The following MEI4 variants were observed in gnomAD, a reference collection of about 807,000 sequenced individuals.
MEI4 encodes the protein meiosis-specific protein MEI4.
MEI4 carries 27 observed loss-of-function variants against 31.4 expected under a neutral mutation model. The observed-to-expected ratio is 0.86, with a 90% confidence interval of 0.63 to 1.19. The LOEUF is 1.19. Among genes scored for constraint, MEI4 ranks in the 50% most tolerant of loss-of-function variants. MEI4 has a pLI of 0.00. For missense variants in MEI4, 329 were observed against 398.9 expected (o/e 0.82, Z 1.49); for synonymous variants, 122 against 145.4 (o/e 0.84, Z 1.16).
intron 3 of MEI4, among the ~76,000 whole-genome samples, chr6:77,823,991 A>G (rs892265848): frequency 3.9e-4 from 60 of 152,342 alleles, no homozygotes; most frequent in African/African-American, 1.4e-3. Context: ...AAGTGGTTGA[A>G]CACTTTTTAT....
intron 3 of MEI4, among the ~76,000 whole-genome samples, chr6:77,803,073 A>G (rs548933429): frequency 3.6e-4 from 55 of 152,290 alleles, no homozygotes; most frequent in African/African-American, 1.3e-3. Flanking sequence ...GTGTTTTCCA[A>G]CTTGGTTCCA....
At chr6:77,875,132 G>A (rs564603176) in intron 4 of MEI4, among the ~76,000 whole-genome samples, 4 of 152,148 alleles carry the variant, frequency 2.6e-5, no homozygotes, top group Non-Finnish European at 4.4e-5. Flanking sequence ...AAGGCCTTCA[G>A]CTTCCTTGAG....
intron 1 of MEI4, among the ~76,000 whole-genome samples, chr6:77,685,106 T>C (rs1442523821): frequency 6.6e-6 from 1 of 152,228 alleles, no homozygotes; most frequent in African/African-American, 2.4e-5. Flanking sequence ...TAATCAGTGA[T>C]GCTGTGAACA....
At chr6:77,900,180 T>C (rs537256073) in intron 4 of MEI4, among the ~76,000 whole-genome samples, 1 of 152,050 alleles carries the variant, frequency 6.6e-6, no homozygotes, top group Non-Finnish European at 1.5e-5. Flanking sequence ...AGGGAACTCT[T>C]ATACACTGTT....
chr6:77,890,829 G>A (rs1383020099), intron 4 of MEI4, among the ~76,000 whole-genome samples: 1 of 152,130 alleles, frequency 6.6e-6, no homozygotes, highest in Admixed American at 6.5e-5. Context: ...CACAAGATCT[G>A]ATGGCTTTAT....
At chr6:77,759,895 C>T (rs1768004741) in intron 2 of MEI4, among the ~76,000 whole-genome samples, 1 of 152,166 alleles carries the variant, frequency 6.6e-6, no homozygotes, top group Admixed American at 6.5e-5. Flanking sequence ...TTACAACTTT[C>T]AGTGCCTCAT....
rs200529324 is a variant in MEI4 at position 77,702,935 on chromosome 6, C to T, written c.232+12032C>T. On this transcript the variant is annotated intron_variant, in intron 2 of 4. Coordinates refer to ENST00000684080, the MANE Select transcript of MEI4 (RefSeq NM_001322247.2). Reference sequence around the variant, plus strand: ...TATTCTTTCTTTTGTCATGCAGTTTCGATACCACTTTTGTCTTCACTAACT... The same window carrying T: ...TATTCTTTCTTTTGTCATGCAGTTTTGATACCACTTTTGTCTTCACTAACT... Among the ~76,000 whole-genome samples, 31 of 152,232 alleles carry T rather than the reference C, an allele frequency of 2.0e-4. No individual in the cohort carries two copies. The South Asian group carries it at 4.6e-3, about 22-fold the overall frequency.
intron 3 of MEI4, among the ~76,000 whole-genome samples, chr6:77,791,531 T>TG (rs1473712754): frequency 2.1e-5 from 2 of 94,038 alleles, no homozygotes; most frequent in African/African-American, 8.5e-5. Flanking sequence ...GCGACTGTTG[T>TG]GGGGTGGGGG....
chr6:77,911,315 T>A (rs1484427558), intron 4 of MEI4, among the ~76,000 whole-genome samples: 1 of 152,112 alleles, frequency 6.6e-6, no homozygotes, highest in Non-Finnish European at 1.5e-5. Flanking sequence ...TTTCTAACTT[T>A]TACTTTAGCT....
intron 2 of MEI4, among the ~76,000 whole-genome samples, chr6:77,728,173 C>A (rs1766876037): frequency 6.6e-6 from 1 of 151,974 alleles, no homozygotes; most frequent in Non-Finnish European, 1.5e-5. Flanking sequence ...ATATAGGTAA[C>A]TGAAAGTTAA....
At chr6:77,867,137 G>A (rs528114401) in intron 4 of MEI4, among the ~76,000 whole-genome samples, 2 of 152,250 alleles carry the variant, frequency 1.3e-5, no homozygotes, top group Admixed American at 6.5e-5. Flanking sequence ...GAAAACCTAG[G>A]CATTACCATT....
chr6:77,902,779 C>A (rs559769353), intron 4 of MEI4, among the ~76,000 whole-genome samples: 8 of 151,966 alleles, frequency 5.3e-5, no homozygotes, highest in Non-Finnish European at 1.2e-4. Flanking sequence ...CATGGAAAGC[C>A]CCCTCCTGGC....
At chr6:77,776,409 C>G (rs906136595) in intron 3 of MEI4, among the ~76,000 whole-genome samples, 1 of 152,102 alleles carries the variant, frequency 6.6e-6, no homozygotes, top group Non-Finnish European at 1.5e-5. Context: ...AAGGATAATT[C>G]TAATTTAATC....
chr6:77,814,284 C>G (rs1769641021), intron 3 of MEI4, among the ~76,000 whole-genome samples: 1 of 152,054 alleles, frequency 6.6e-6, no homozygotes, highest in African/African-American at 2.4e-5. Context: ...AACAGTTTAG[C>G]AAATGAATAT....
intron 3 of MEI4, among the ~76,000 whole-genome samples, chr6:77,773,267 G>C (rs557869428): frequency 2.0e-5 from 3 of 151,844 alleles, no homozygotes; most frequent in Non-Finnish European, 4.4e-5. Flanking sequence ...AAAGATGGAG[G>C]AATCACATTA....
intron 3 of MEI4, among the ~76,000 whole-genome samples, chr6:77,795,795 A>T (rs1278033818): frequency 2.0e-5 from 3 of 151,976 alleles, no homozygotes; most frequent in Admixed American, 6.6e-5. Flanking sequence ...ACAAATAAAA[A>T]CCCAGGACCA....
At chr6:77,700,088 C>G (rs1444234286) in intron 2 of MEI4, among the ~76,000 whole-genome samples, 1 of 152,220 alleles carries the variant, frequency 6.6e-6, no homozygotes, top group Non-Finnish European at 1.5e-5. Context: ...AGATCTCCAG[C>G]TGCTGCTGGG....
At chr6:77,778,466 C>A (rs9448211) in intron 3 of MEI4, among the ~76,000 whole-genome samples, 4,792 of 151,954 alleles carry the variant, frequency 0.032, 245 homozygotes, top group African/African-American at 0.11. Flanking sequence ...TCTGGAAGGC[C>A]GAGGCAGGTG....
chr6:77,914,244 T>G lies in MEI4; in HGVS notation c.901-8845T>G, dbSNP rs543547359. On this transcript the variant is annotated intron_variant, in intron 4 of 4. Coordinates refer to ENST00000684080, the MANE Select transcript of MEI4 (RefSeq NM_001322247.2). Reference sequence around the variant, plus strand: ...TGTAGACTTTTATTACTATAAACTTTCCTTTCAGTACTGCTTTTGCTATAT... The same window carrying G: ...TGTAGACTTTTATTACTATAAACTTGCCTTTCAGTACTGCTTTTGCTATAT... 7.9e-5 allele frequency among the ~76,000 whole-genome samples: 12 copies of G among 152,128 alleles called. 1 individual carries two copies. The South Asian group carries it at 2.5e-3, about 32-fold the overall frequency.
Sources: allele counts gnomAD v4.1 joint callset (sites outside exome capture counted in the v4.1 genomes callset), GRCh38; gene constraint gnomAD v4.1.1; transcripts MANE v1.5; gene names NCBI Gene and HGNC (gene_info 2026-07-23, HGNC 2026-07-21).